Variants in CAP2 observed in about 807,000 individuals in gnomAD.
CAP2 encodes adenylyl cyclase-associated protein 2.
A neutral mutation model predicts 57.7 loss-of-function variants in CAP2; 24 were observed. That is an observed-to-expected ratio of 0.42 (90% CI 0.30 to 0.58). The LOEUF is 0.58. Ranked by LOEUF, CAP2 falls within the 20% of genes least tolerant of loss-of-function variation. The probability of loss-of-function intolerance (pLI) is 0.22; values close to 1 mark genes in which losing one functional copy is unlikely to be tolerated. For synonymous variants in CAP2, 194 were observed against 207.2 expected (o/e 0.94, Z 0.55); for missense variants, 501 against 590.3 (o/e 0.85, Z 1.57).
intron 3 of CAP2, among the ~76,000 whole-genome samples, chr6:17,438,735 G>A (rs1335377931): frequency 2.1e-5 from 3 of 144,190 alleles, no homozygotes; most frequent in Admixed American, 1.4e-4. Flanking sequence ...CACCGCACCC[G>A]GCCCAGAAGT....
intron 3 of CAP2, among the ~76,000 whole-genome samples, chr6:17,452,044 A>G (rs543094203): frequency 2.0e-5 from 3 of 152,320 alleles, no homozygotes; most frequent in East Asian, 1.9e-4. Context: ...AAAAAACCCA[A>G]TCATTGTACA....
At chr6:17,493,619 C>T (rs545984641) in intron 4 of CAP2, 1 of 169,738 alleles carries the variant, frequency 5.9e-6, no homozygotes, top group South Asian at 1.6e-4. Context: ...CATGTATACA[C>T]TGTGTTGTTC....
chr6:17,522,934 A>G (rs1762423218), intron 7 of CAP2, among the ~76,000 whole-genome samples: 1 of 152,154 alleles, frequency 6.6e-6, no homozygotes, highest in South Asian at 2.1e-4. Context: ...AGCCGGTACT[A>G]CAGCCATATG....
At position 17,539,417 on chromosome 6, in the gene CAP2, C is replaced by T; in HGVS notation, c.785C>T (p.Ala262Val). ...KKEESSPSRS[A>V]LFAQLNQGEA... ...GAGGAATCTTCTCCTTCACGCTCAG[C>T]TTTATTTGCCCAACTTAACCAGGGA... The change falls in exon 8 of 13, where the codon GCT becomes GTT. Residue 262 changes from alanine to valine, a missense_variant. Physicochemically the swap from Ala to Val is moderately conservative, Grantham distance 64. Coordinates refer to ENST00000229922, the MANE Select transcript of CAP2 (RefSeq NM_006366.3). The T allele has an allele frequency of 1.2e-6, 2 of 1,614,208 alleles. No individual in the cohort carries two copies. Among genetic ancestry groups the T allele is most frequent in the Non-Finnish European group, 1.7e-6 (2 of 1,180,036 alleles).
chr6:17,551,090 A>T (rs1415045675), intron 11 of CAP2, among the ~76,000 whole-genome samples: 2 of 152,254 alleles, frequency 1.3e-5, no homozygotes. Flanking sequence ...AATTTCAAGC[A>T]AATGAATATG....
chr6:17,536,581 A>C (rs1198843946), intron 7 of CAP2, among the ~76,000 whole-genome samples: 2 of 152,206 alleles, frequency 1.3e-5, no homozygotes, highest in African/African-American at 2.4e-5. Context: ...AAAAAGTTGA[A>C]TATGTGGCTT....
At chr6:17,543,356 G>A (rs558693983) in intron 11 of CAP2, among the ~76,000 whole-genome samples, 29 of 152,106 alleles carry the variant, frequency 1.9e-4, no homozygotes, top group Non-Finnish European at 3.2e-4. Flanking sequence ...GGTGGCTCAC[G>A]CCCGTAACCC....
chr6:17,485,498 C>G (rs1761398482), intron 4 of CAP2, among the ~76,000 whole-genome samples: 1 of 152,176 alleles, frequency 6.6e-6, no homozygotes, highest in Non-Finnish European at 1.5e-5. Flanking sequence ...GGAATGGTGA[C>G]TTTGGACTCA....
intron 3 of CAP2, among the ~76,000 whole-genome samples, chr6:17,440,472 C>CCTTTTTATACCTTTCATGT (rs1760038391): frequency 6.6e-6 from 1 of 151,464 alleles, no homozygotes; most frequent in Non-Finnish European, 1.5e-5. Flanking sequence ...CTGACCTCTT[C>CCTTTTTATACCTTTCATGT]CTTTTTATAC....
In CAP2 at chr6:17,507,251, A is replaced by G; in HGVS notation, c.383A>G (p.Asn128Ser). 1 of 1,614,212 alleles carries G rather than the reference A, an allele frequency of 6.2e-7. No individual in the cohort carries two copies. The highest frequency in any genetic ancestry group is 8.5e-7 in the Non-Finnish European group (1 of 1,180,016). Reference protein sequence around the residue: ...QTFRERNRGSNMFNHLSAVSE... With the variant: ...QTFRERNRGSSMFNHLSAVSE... ...TTCAGAGAGAGAAACCGGGGGAGTA[A>G]CATGTTTAATCATCTTTCGGCCGTC... The change falls in exon 5 of 13, where the codon AAC (asparagine) becomes AGC (serine). Residue 128 changes from asparagine (N) to serine (S), a missense_variant. Transcript: ENST00000229922.
intron 7 of CAP2, among the ~76,000 whole-genome samples, chr6:17,532,762 C>CA (rs372842125): frequency 1.4e-4 from 19 of 133,820 alleles, no homozygotes; most frequent in Admixed American, 1.1e-3. Flanking sequence ...CACACACACA[C>CA]AAAAAAAACT....
chr6:17,485,432 T>C (rs1761397469), intron 4 of CAP2, among the ~76,000 whole-genome samples: 1 of 152,166 alleles, frequency 6.6e-6, no homozygotes, highest in Non-Finnish European at 1.5e-5. Context: ...GCCACCCGGC[T>C]TTCCCCAGCT....
intron 4 of CAP2, among the ~76,000 whole-genome samples, chr6:17,498,598 A>C (rs1761724946): frequency 6.6e-6 from 1 of 152,210 alleles, no homozygotes; most frequent in South Asian, 2.1e-4. Context: ...AGATGTCAGT[A>C]AAGGGGCATC....
At chr6:17,454,357 A>G (rs905571057) in intron 3 of CAP2, among the ~76,000 whole-genome samples, 1 of 152,120 alleles carries the variant, frequency 6.6e-6, no homozygotes, top group African/African-American at 2.4e-5. Context: ...TTCTAGACTC[A>G]TCCAAGCCTT....
At chr6:17,521,302 C>T (rs556962046) in intron 7 of CAP2, among the ~76,000 whole-genome samples, 1 of 152,190 alleles carries the variant, frequency 6.6e-6, no homozygotes, top group African/African-American at 2.4e-5. Context: ...GCCTGTAGTC[C>T]CAGCTACCGG....
chr6:17,432,035 C>T (rs917338397), intron 3 of CAP2, among the ~76,000 whole-genome samples: 2 of 152,094 alleles, frequency 1.3e-5, no homozygotes, highest in Admixed American at 6.6e-5. Context: ...TGAACATCAG[C>T]CTCCTTCATC....
chr6:17,530,884 G>A, intron 7 of CAP2: 2 of 1,144,626 alleles, frequency 1.7e-6, no homozygotes. Flanking sequence ...AAATAATCAT[G>A]GTAGACACCT....
intron 7 of CAP2, among the ~76,000 whole-genome samples, chr6:17,533,154 T>C (rs1364425304): frequency 1.3e-5 from 2 of 151,154 alleles, no homozygotes; most frequent in Non-Finnish European, 2.9e-5. Context: ...AAGCGATTAG[T>C]ATTTCAAGAA....
chr6:17,427,769 C>T (rs906344139), intron 3 of CAP2, among the ~76,000 whole-genome samples: 1 of 152,178 alleles, frequency 6.6e-6, no homozygotes, highest in African/African-American at 2.4e-5. Context: ...TTGACAGATA[C>T]ACTAAATGTG....
Sources: gnomAD v4.1 joint callset for allele counts (sites outside exome capture counted in the v4.1 genomes callset) on GRCh38, gnomAD v4.1.1 for gene constraint, MANE v1.5 for transcripts, NCBI Gene and HGNC (gene_info 2026-07-23, HGNC 2026-07-21) for gene names.